The following RYR3 variants were observed in gnomAD, a reference collection of about 807,000 sequenced individuals.
The protein encoded by RYR3 is ryanodine receptor 3.
RYR3 carries 207 observed loss-of-function variants against 584.3 expected under a neutral mutation model. The ratio of observed to expected loss-of-function variants is 0.35; its 90% confidence interval spans 0.32 to 0.40. RYR3 has a LOEUF of 0.40. RYR3 is among the 10% of genes least tolerant of loss of function. The probability of loss-of-function intolerance (pLI) is 1.00; values close to 1 mark genes in which losing one functional copy is unlikely to be tolerated. For synonymous variants in RYR3, 2,416 were observed against 2,248.5 expected (o/e 1.07, Z -2.11); for missense variants, 5,616 against 6,089.2 (o/e 0.92, Z 2.59).
chr15:33,438,855 C>G (rs2045965963), intron 1 of RYR3, among the ~76,000 whole-genome samples: 1 of 152,090 alleles, frequency 6.6e-6, no homozygotes, highest in South Asian at 2.1e-4. Flanking sequence ...AATACACCTG[C>G]ACATAAAACA....
chr15:33,433,318 T>G (rs1223157777), intron 1 of RYR3, among the ~76,000 whole-genome samples: 3 of 152,180 alleles, frequency 2.0e-5, no homozygotes, highest in Non-Finnish European at 4.4e-5. Context: ...GTATCAAATG[T>G]TAGGCATGTC....
chr15:33,682,579 T>C (rs1433936496), intron 38 of RYR3, among the ~76,000 whole-genome samples: 1 of 152,166 alleles, frequency 6.6e-6, no homozygotes, highest in East Asian at 1.9e-4. Flanking sequence ...AATGAAGCCA[T>C]TTATAATTAT....
At chr15:33,849,412 A>C (rs1643645504) in intron 94 of RYR3, 2 of 152,196 alleles carry the variant, frequency 1.3e-5, no homozygotes, top group African/African-American at 4.8e-5. Context: ...CTCATCAGTA[A>C]TAGAAGGATG....
intron 3 of RYR3, among the ~76,000 whole-genome samples, chr15:33,509,858 T>A (rs1250174246): frequency 1.3e-5 from 2 of 152,138 alleles, no homozygotes; most frequent in Non-Finnish European, 2.9e-5. Flanking sequence ...TTTGGGACAC[T>A]CCTCCTCCCT....
intron 1 of RYR3, among the ~76,000 whole-genome samples, chr15:33,359,217 C>A (rs867071830): frequency 6.6e-6 from 1 of 152,306 alleles, no homozygotes; most frequent in Middle Eastern, 3.4e-3. Flanking sequence ...CAGATAATAT[C>A]AAAGCATTTT....
intron 19 of RYR3, among the ~76,000 whole-genome samples, chr15:33,619,046 T>C (rs1205001452): frequency 6.6e-6 from 1 of 152,158 alleles, no homozygotes; most frequent in Non-Finnish European, 1.5e-5. Context: ...ATCCCAAAAC[T>C]TCACTACTCC....
At chr15:33,348,501 G>A (rs1014607258) in intron 1 of RYR3, among the ~76,000 whole-genome samples, 3 of 152,040 alleles carry the variant, frequency 2.0e-5, no homozygotes, top group Admixed American at 2.0e-4. Flanking sequence ...TTGAGATGGA[G>A]TTTCACTCTT....
chr15:33,768,778 G>A (rs1005196492), intron 61 of RYR3, 71 bp downstream of exon 61: 3 of 1,478,632 alleles, frequency 2.0e-6, no homozygotes, highest in South Asian at 2.3e-5. Context: ...GCCTTTATTT[G>A]TGTCTTCCTC....
chr15:33,372,616 C>T (rs916455012), intron 1 of RYR3, among the ~76,000 whole-genome samples: 1 of 152,062 alleles, frequency 6.6e-6, no homozygotes, highest in Non-Finnish European at 1.5e-5. Flanking sequence ...CCACCTGCCT[C>T]GGCCTCCCAA....
At position 33,638,790 on chromosome 15, in the gene RYR3, A is replaced by G. The variant is rs537325640; in HGVS notation, c.3556+2240A>G. 2.6e-3 allele frequency among the ~76,000 whole-genome samples: 401 copies of G among 152,336 alleles called. 3 individuals are homozygous for G. The highest frequency in any genetic ancestry group is 9.3e-3 in the African/African-American group (387 of 41,572). ...ATGACAAGTGACTAATACAGAATGA[A>G]AAGTCTATATGAATGGGATTTGAAT... is the stretch of plus-strand genomic sequence containing the variant. On this transcript the variant is annotated intron_variant, in intron 27 of 103. Coordinates refer to ENST00000634891, the MANE Select transcript of RYR3 (RefSeq NM_001036.6).
intron 80 of RYR3, among the ~76,000 whole-genome samples, chr15:33,822,506 C>T (rs1218553406): frequency 2.0e-5 from 3 of 152,224 alleles, no homozygotes; most frequent in Admixed American, 2.0e-4. Flanking sequence ...CCACCTACCA[C>T]GAGATGTCAG....
chr15:33,581,437 G>A (rs928096551), intron 13 of RYR3, 71 bp from the exon 14 acceptor site: 1 of 1,456,374 alleles, frequency 6.9e-7, no homozygotes, highest in African/African-American at 1.4e-5. Context: ...TGATACAGGA[G>A]GGGAAAGAGC....
chr15:33,610,005 G>A (rs2152564353), intron 18 of RYR3, among the ~76,000 whole-genome samples: 1 of 152,214 alleles, frequency 6.6e-6, no homozygotes, highest in South Asian at 2.1e-4. Flanking sequence ...CTTTCTCAGT[G>A]GTGAAGCAAG....
chr15:33,634,687 T>C lies in RYR3; in HGVS notation c.3129T>C (p.Thr1043=), dbSNP rs1312251759. 1 of 1,614,006 alleles carries C rather than the reference T, an allele frequency of 6.2e-7. No homozygotes were observed. Among genetic ancestry groups the C allele is most frequent in the South Asian group, 1.1e-5 (1 of 91,082 alleles). The change falls in exon 25 of 104, where the codon ACT becomes ACC. Residue 1043 remains threonine, a synonymous_variant. Coordinates refer to ENST00000634891, the MANE Select transcript of RYR3 (RefSeq NM_001036.6). ...ACAGCCTGCGGGAAGCTGTGCGCAC[T>C]TTTGTTGGTTACGGGTATAACATTG... ...NRDSLREAVR[T]FVGYGYNIEP...
intron 66 of RYR3, among the ~76,000 whole-genome samples, chr15:33,786,675 A>T (rs1466942997): frequency 6.6e-6 from 1 of 152,210 alleles, no homozygotes; most frequent in East Asian, 1.9e-4. Flanking sequence ...GTCCAAGGAG[A>T]TAGAAGCTAA....
intron 17 of RYR3, 100 bp downstream of exon 17, chr15:33,601,652 C>G: frequency 2.3e-6 from 3 of 1,279,362 alleles, no homozygotes. Context: ...GTTGCCCACC[C>G]ATTGTTTCCA....
intron 1 of RYR3, among the ~76,000 whole-genome samples, chr15:33,465,181 G>T (rs1046699771): frequency 5.9e-5 from 9 of 152,042 alleles, no homozygotes; most frequent in African/African-American, 2.2e-4. Flanking sequence ...TGGCTATTGC[G>T]AATGTGCTGC....
intron 38 of RYR3, among the ~76,000 whole-genome samples, chr15:33,671,397 A>G (rs1452718642): frequency 2.0e-5 from 3 of 152,048 alleles, no homozygotes; most frequent in Non-Finnish European, 4.4e-5. Flanking sequence ...GACTAGAGCA[A>G]TTGACTGTCA....
intron 43 of RYR3, among the ~76,000 whole-genome samples, chr15:33,715,182 G>A (rs1017350954): frequency 1.3e-5 from 2 of 152,182 alleles, no homozygotes; most frequent in African/African-American, 2.4e-5. Flanking sequence ...GGCATACAAG[G>A]TGTAGACACT....
Sources: gnomAD v4.1 joint callset for allele counts (sites outside exome capture counted in the v4.1 genomes callset) on GRCh38, gnomAD v4.1.1 for gene constraint, MANE v1.5 for transcripts, NCBI Gene and HGNC (gene_info 2026-07-23, HGNC 2026-07-21) for gene names.